The following AGBL4 variants were observed in gnomAD, a reference collection of about 807,000 sequenced individuals.
The protein encoded by AGBL4 is AGBL carboxypeptidase 4.
In AGBL4, 58 loss-of-function variants were observed where a neutral mutation model predicts 66.4. The observed-to-expected ratio is 0.87, with a 90% confidence interval of 0.71 to 1.09. The LOEUF is 1.09. AGBL4 is among the 50% of genes least tolerant of loss of function. AGBL4 has a pLI of 0.00. For synonymous variants in AGBL4, 234 were observed against 222.9 expected, an observed-to-expected ratio of 1.05 and a Z score of -0.44; for missense variants, 579 against 631.0, an observed-to-expected ratio of 0.92 and a Z score of 0.88.
chr1:48,846,531 C>T (rs555913830), intron 6 of AGBL4, among the ~76,000 whole-genome samples: 1 of 152,298 alleles, frequency 6.6e-6, no homozygotes, highest in African/African-American at 2.4e-5. Context: ...CCTTAGATAT[C>T]CCTCTTATAT....
intron 1 of AGBL4, among the ~76,000 whole-genome samples, chr1:49,880,137 G>C (rs955716227): frequency 1.3e-5 from 2 of 151,766 alleles, no homozygotes; most frequent in Non-Finnish European, 2.9e-5. Context: ...TAATTTGATC[G>C]TCTGAAGCCT....
At position 48,612,233 on chromosome 1, in the gene AGBL4, C is replaced by T. The variant is rs533785672; in HGVS notation, c.952-21248G>A. 6.6e-5 allele frequency among the ~76,000 whole-genome samples: 10 copies of T among 152,366 alleles called. No individual in the cohort carries two copies. The South Asian group carries it at 1.9e-3, about 28-fold the overall frequency. ...AGTACCTACCATGTTCCAGATCTTA[C>T]GCTAGGTGCTGGTATCAAAGAAATT... On this transcript the variant is annotated intron_variant, in intron 9 of 13. Transcript: ENST00000371839.
chr1:49,672,547 A>G (rs1168064317), intron 3 of AGBL4, among the ~76,000 whole-genome samples: 1 of 150,942 alleles, frequency 6.6e-6, no homozygotes, highest in East Asian at 2.0e-4. Flanking sequence ...CAAGGAAAGA[A>G]ATAATAAAAA....
intron 6 of AGBL4, among the ~76,000 whole-genome samples, chr1:48,766,312 A>G (rs1281420377): frequency 6.6e-6 from 1 of 152,212 alleles, no homozygotes; most frequent in African/African-American, 2.4e-5. Flanking sequence ...TGTGCTATAG[A>G]TCTATGTGCC....
chr1:49,646,373 A>T (rs1397074493), intron 3 of AGBL4, among the ~76,000 whole-genome samples: 1 of 151,990 alleles, frequency 6.6e-6, no homozygotes, highest in African/African-American at 2.4e-5. Flanking sequence ...TGCAGAACTC[A>T]ACTGTATTTC....
intron 1 of AGBL4, among the ~76,000 whole-genome samples, chr1:49,870,064 C>T (rs1646801485): frequency 6.6e-6 from 1 of 151,994 alleles, no homozygotes; most frequent in South Asian, 2.1e-4. Context: ...ATCAAAATAT[C>T]ACATGTACTT....
chr1:48,950,767 TTTG>T (rs1458839154), intron 5 of AGBL4, among the ~76,000 whole-genome samples: 3 of 152,124 alleles, frequency 2.0e-5, no homozygotes, highest in African/African-American at 7.2e-5. Context: ...ATGCCCACAT[TTTG>T]TCCTTTAGAC....
At chr1:49,948,466 T>TATATAAATATATAA (rs1557609819) in intron 1 of AGBL4, among the ~76,000 whole-genome samples, 1 of 96,314 alleles carries the variant, frequency 1.0e-5, no homozygotes, top group Non-Finnish European at 2.1e-5. Context: ...TATAGATAAA[T>TATATAAATATATAA]ATATAAATAT....
At chr1:48,969,418 CTT>C (rs1330876640) in intron 5 of AGBL4, among the ~76,000 whole-genome samples, 1 of 152,104 alleles carries the variant, frequency 6.6e-6, no homozygotes, top group East Asian at 1.9e-4. Flanking sequence ...CTTTATTCCT[CTT>C]AAATCTTGTT....
At chr1:48,970,986 T>C (rs540112108) in intron 5 of AGBL4, among the ~76,000 whole-genome samples, 1 of 152,250 alleles carries the variant, frequency 6.6e-6, no homozygotes, top group Non-Finnish European at 1.5e-5. Context: ...ATACTATATA[T>C]CATTCCCATT....
At chr1:48,912,293 G>A (rs1490804349) in intron 5 of AGBL4, among the ~76,000 whole-genome samples, 2 of 152,196 alleles carry the variant, frequency 1.3e-5, no homozygotes, top group East Asian at 3.8e-4. Flanking sequence ...CTGGAGATTT[G>A]TTGCTTATCT....
chr1:49,620,372 C>T (rs1372095401), intron 3 of AGBL4, among the ~76,000 whole-genome samples: 2 of 152,082 alleles, frequency 1.3e-5, no homozygotes, highest in Non-Finnish European at 2.9e-5. Context: ...AAAAAAAGCT[C>T]ATCATCACTG....
intron 2 of AGBL4, among the ~76,000 whole-genome samples, chr1:49,742,718 A>ACCAAAACAGAGAT (rs1650624116): frequency 6.6e-6 from 1 of 152,166 alleles, no homozygotes; most frequent in Non-Finnish European, 1.5e-5. Context: ...AGACCAATGG[A>ACCAAAACAGAGAT]ACAGAACAGA....
chr1:49,369,000 G>C (rs1194575588), intron 3 of AGBL4, among the ~76,000 whole-genome samples: 1 of 152,008 alleles, frequency 6.6e-6, no homozygotes, highest in Non-Finnish European at 1.5e-5. Context: ...GCTTGAACCT[G>C]GTGGGGGCGG....
intron 3 of AGBL4, among the ~76,000 whole-genome samples, chr1:49,252,408 C>T (rs1032543828): frequency 9.9e-5 from 15 of 152,138 alleles, no homozygotes; most frequent in Non-Finnish European, 1.9e-4. Flanking sequence ...CATGGGATTA[C>T]GTAAAGACAT....
chr1:49,806,070 C>T (rs1053810078), intron 2 of AGBL4, among the ~76,000 whole-genome samples: 4 of 152,074 alleles, frequency 2.6e-5, no homozygotes, highest in Admixed American at 6.5e-5. Flanking sequence ...GATGGAAGTG[C>T]TTGGAGGTGT....
At chr1:48,959,967 C>T (rs1657822076) in intron 5 of AGBL4, among the ~76,000 whole-genome samples, 1 of 152,214 alleles carries the variant, frequency 6.6e-6, no homozygotes, top group Non-Finnish European at 1.5e-5. Flanking sequence ...TAGCAGAGAA[C>T]TGTCACAATC....
At chr1:49,710,870 A>G (rs1486076820) in intron 2 of AGBL4, among the ~76,000 whole-genome samples, 1 of 151,714 alleles carries the variant, frequency 6.6e-6, no homozygotes, top group Non-Finnish European at 1.5e-5. Flanking sequence ...TATACAAAGA[A>G]CTCTTATGAA....
chr1:48,980,718 A>AATATAT (rs544711494), intron 5 of AGBL4, among the ~76,000 whole-genome samples: 3 of 92,330 alleles, frequency 3.2e-5, no homozygotes, highest in Non-Finnish European at 4.1e-5. Context: ...GTAAAGAAGA[A>AATATAT]ATATATATAT....
Sources: gnomAD v4.1 joint callset for allele counts (sites outside exome capture counted in the v4.1 genomes callset) on GRCh38, gnomAD v4.1.1 for gene constraint, MANE v1.5 for transcripts, NCBI Gene and HGNC (gene_info 2026-07-23, HGNC 2026-07-21) for gene names.